The following LRMDA variants were observed in gnomAD, a reference collection of about 807,000 sequenced individuals.
The protein encoded by LRMDA is leucine-rich melanocyte differentiation-associated protein.
A neutral mutation model predicts 29.8 loss-of-function variants in LRMDA; 18 were observed. The observed-to-expected ratio is 0.60, with a 90% CI of 0.42 to 0.90. The LOEUF is 0.90. Among genes scored for constraint, LRMDA ranks in the 40% least tolerant of loss-of-function variants. LRMDA has a pLI of 0.00. For synonymous variants in LRMDA, 125 were observed against 109.4 expected (o/e 1.14, Z -0.89); for missense variants, 273 against 273.9 (o/e 1.00, Z 0.02).
intron 2 of LRMDA, among the ~76,000 whole-genome samples, chr10:75,606,111 GCCTC>G (rs1840953296): frequency 6.6e-6 from 1 of 152,168 alleles, no homozygotes; most frequent in South Asian, 2.1e-4. Flanking sequence ...ACCCGCCTCA[GCCTC>G]CCAAAGTGCT....
intron 6 of LRMDA, among the ~76,000 whole-genome samples, chr10:76,331,208 T>C (rs905040568): frequency 2.0e-5 from 3 of 152,132 alleles, no homozygotes; most frequent in African/African-American, 7.2e-5. Context: ...GAGGCGAAGG[T>C]TGCAGTGAGT....
chr10:76,177,116 C>T (rs956904123), intron 5 of LRMDA, among the ~76,000 whole-genome samples: 1 of 152,192 alleles, frequency 6.6e-6, no homozygotes, highest in African/African-American at 2.4e-5. Flanking sequence ...AACAGGGCTG[C>T]GTATCATTGG....
chr10:76,443,605 A>G (rs1842325652), intron 6 of LRMDA, among the ~76,000 whole-genome samples: 2 of 152,216 alleles, frequency 1.3e-5, no homozygotes, highest in Admixed American at 6.5e-5. Flanking sequence ...CTATCAATAC[A>G]GCATAGTGTA....
At chr10:76,259,211 A>G (rs1839903767) in intron 5 of LRMDA, among the ~76,000 whole-genome samples, 1 of 152,002 alleles carries the variant, frequency 6.6e-6, no homozygotes, top group South Asian at 2.1e-4. Flanking sequence ...TTCCTTGATG[A>G]TTAGTGATGT....
chr10:76,130,987 C>T lies in LRMDA; in HGVS notation c.516+72204C>T, dbSNP rs1039792509. ...CCCACCTAGCCTATTGTATACAATG[C>T]AAGTGGAGTAATCTTCCAAGGGCAT... On this transcript the variant is annotated intron_variant, in intron 5 of 6. Coordinates refer to ENST00000611255, the MANE Select transcript of LRMDA (RefSeq NM_001305581.2). Among the ~76,000 whole-genome samples, 5 of 152,126 alleles carry T rather than the reference C, an allele frequency of 3.3e-5. No homozygotes were observed. In the South Asian group the frequency reaches 1.0e-3, roughly 32 times the overall value.
At position 75,908,706 on chromosome 10, in the gene LRMDA, A is replaced by G. The variant is rs1298620963; in HGVS notation, c.132-127302A>G. Among the ~76,000 whole-genome samples, 7 of 151,244 alleles carry G rather than the reference A, an allele frequency of 4.6e-5. 1 individual carries two copies. Among genetic ancestry groups the G allele is most frequent in the African/African-American group, 1.7e-4 (7 of 41,056 alleles). ...CGTTGTTGCTGGGACTACATCTTCC[A>G]CCTCCTATCCCCATCTTGCTCCACG... On this transcript the variant is annotated intron_variant, in intron 2 of 6. Coordinates refer to ENST00000611255, the MANE Select transcript of LRMDA (RefSeq NM_001305581.2).
intron 2 of LRMDA, among the ~76,000 whole-genome samples, chr10:75,853,910 A>C (rs941277543): frequency 3.9e-5 from 6 of 152,134 alleles, no homozygotes; most frequent in Admixed American, 3.3e-4. Context: ...TGGTGGAAGA[A>C]AATGCAGCTA....
At chr10:76,223,261 T>TATA (rs939984187) in intron 5 of LRMDA, among the ~76,000 whole-genome samples, 13 of 151,638 alleles carry the variant, frequency 8.6e-5, no homozygotes, top group East Asian at 1.9e-4. Context: ...AAACTTAAAG[T>TATA]ATAATAATAA....
chr10:75,642,146 C>T (rs1841461929), intron 2 of LRMDA, among the ~76,000 whole-genome samples: 1 of 152,088 alleles, frequency 6.6e-6, no homozygotes, highest in Non-Finnish European at 1.5e-5. Flanking sequence ...CAGGGTGGAT[C>T]TGAAAGTTTA....
intron 5 of LRMDA, among the ~76,000 whole-genome samples, chr10:76,185,250 A>T (rs761292803): frequency 6.6e-6 from 1 of 152,138 alleles, no homozygotes; most frequent in Admixed American, 6.5e-5. Flanking sequence ...GCTAGAGTTC[A>T]CAAGGCTTCA....
At chr10:76,096,656 G>T (rs1472428913) in intron 5 of LRMDA, among the ~76,000 whole-genome samples, 2 of 152,024 alleles carry the variant, frequency 1.3e-5, no homozygotes, top group South Asian at 4.2e-4. Context: ...AAATTTTGCT[G>T]GGACTTTCAG....
chr10:75,657,888 G>T (rs907285796), intron 2 of LRMDA, among the ~76,000 whole-genome samples: 6 of 152,036 alleles, frequency 3.9e-5, no homozygotes, highest in Non-Finnish European at 7.4e-5. Flanking sequence ...ACTGTCCTTT[G>T]GGCTGTGGAG....
chr10:75,932,730 T>C (rs1044103867), intron 2 of LRMDA, among the ~76,000 whole-genome samples: 1 of 152,102 alleles, frequency 6.6e-6, no homozygotes, highest in Admixed American at 6.6e-5. Context: ...AAACATAAAA[T>C]CATGTTGTTT....
chr10:75,784,481 C>G (rs186505274), intron 2 of LRMDA, among the ~76,000 whole-genome samples: 59 of 152,102 alleles, frequency 3.9e-4, no homozygotes, highest in African/African-American at 1.3e-3. Flanking sequence ...GGGAGGATCA[C>G]GAGGTCAGGA....
intron 4 of LRMDA, among the ~76,000 whole-genome samples, chr10:76,052,143 G>A (rs1026178561): frequency 6.6e-6 from 1 of 152,200 alleles, no homozygotes; most frequent in Non-Finnish European, 1.5e-5. Flanking sequence ...GGGGTCTCAG[G>A]TAGCGCATCA....
intron 2 of LRMDA, among the ~76,000 whole-genome samples, chr10:75,624,903 A>G (rs540217051): frequency 6.3e-4 from 96 of 152,326 alleles, no homozygotes; most frequent in African/African-American, 2.3e-3. Context: ...AGGCACACTA[A>G]TAACAATCCA....
chr10:76,399,229 A>G (rs903776915), intron 6 of LRMDA, among the ~76,000 whole-genome samples: 1 of 152,184 alleles, frequency 6.6e-6, no homozygotes, highest in Non-Finnish European at 1.5e-5. Context: ...ATGTCAGTGT[A>G]TGTGCTTGTG....
chr10:76,291,732 A>T (rs2132348304), intron 5 of LRMDA, among the ~76,000 whole-genome samples: 1 of 152,214 alleles, frequency 6.6e-6, no homozygotes, highest in South Asian at 2.1e-4. Flanking sequence ...CCCATCCCTT[A>T]AAAAAGATCT....
At chr10:76,070,914 A>T (rs1848865584) in intron 5 of LRMDA, among the ~76,000 whole-genome samples, 1 of 152,132 alleles carries the variant, frequency 6.6e-6, no homozygotes, top group Admixed American at 6.5e-5. Context: ...TGGGAGGAGT[A>T]AGCATGGCGT....
Sources: allele counts gnomAD v4.1 joint callset (sites outside exome capture counted in the v4.1 genomes callset), GRCh38; gene constraint gnomAD v4.1.1; transcripts MANE v1.5; gene names NCBI Gene and HGNC (gene_info 2026-07-23, HGNC 2026-07-21).